PIEZO2: variants seen among roughly 807,000 people sequenced by gnomAD.
The protein encoded by PIEZO2 is piezo-type mechanosensitive ion channel component 2.
In PIEZO2, 172 loss-of-function variants were observed where a neutral mutation model predicts 337.3. That is an observed-to-expected ratio of 0.51 (90% CI 0.45 to 0.58). The LOEUF (loss-of-function observed/expected upper bound fraction) is 0.58. Among genes scored for constraint, PIEZO2 ranks in the 20% least tolerant of loss-of-function variants. PIEZO2 has a pLI of 0.00. For missense variants in PIEZO2, 3,028 were observed against 3,391.3 expected (o/e 0.89, Z 2.66); for synonymous variants, 1,251 against 1,228.5 (o/e 1.02, Z -0.38).
chr18:10,864,971 G>A lies in PIEZO2; in HGVS notation c.492+6282C>T, dbSNP rs1023663263. ...GCAGAGCCCCGGAAAGACAAGAGTC[G>A]GGAGAAGAGCATCTGCACAAGAGCA... On this transcript the variant is annotated intron_variant, in intron 5 of 55. Coordinates refer to ENST00000674853, the MANE Select transcript of PIEZO2 (RefSeq NM_001378183.1). Among the ~76,000 whole-genome samples, 4 of 152,252 alleles carry A rather than the reference G, an allele frequency of 2.6e-5. No homozygotes were observed. In the South Asian group the frequency reaches 6.2e-4, roughly 24 times the overall value.
In PIEZO2 at chr18:10,705,719, G is replaced by A. The variant is rs2035555669; in HGVS notation, c.5616C>T (p.Tyr1872=). Reference sequence around the variant, plus strand: ...TGGTCTCAGTGGTCCCCTGGCGTGAGTACAGCATGGTACACTGCGTGGGCT... The same window carrying A: ...TGGTCTCAGTGGTCCCCTGGCGTGAATACAGCATGGTACACTGCGTGGGCT... The part of the protein sequence containing the change: ...SSEPTQCTML[Y]SRQGTTETIE... The change falls in exon 41 of 56, where the codon TAC becomes TAT. Residue 1872 remains tyrosine, a synonymous_variant. Transcript: ENST00000674853. 4.6e-6 allele frequency: 7 copies of A among 1,533,796 alleles called. No homozygotes were observed. The highest frequency in any genetic ancestry group is 2.4e-5 in the East Asian group (1 of 40,864).
At chr18:11,137,440 A>G (rs1047902943) in intron 1 of PIEZO2, among the ~76,000 whole-genome samples, 1 of 152,224 alleles carries the variant, frequency 6.6e-6, no homozygotes, top group African/African-American at 2.4e-5. Flanking sequence ...AATTGTGAAA[A>G]TATTTCTTAG....
At chr18:10,985,977 C>T (rs895258713) in intron 2 of PIEZO2, among the ~76,000 whole-genome samples, 1 of 151,880 alleles carries the variant, frequency 6.6e-6, no homozygotes, top group African/African-American at 2.4e-5. Flanking sequence ...ACACTGCCTA[C>T]AAGGAACACA....
At chr18:10,674,787 A>T (rs2033921029) in intron 54 of PIEZO2, among the ~76,000 whole-genome samples, 1 of 152,244 alleles carries the variant, frequency 6.6e-6, no homozygotes, top group African/African-American at 2.4e-5. Flanking sequence ...CAATCACTAA[A>T]GTGCCTCTAG....
chr18:10,753,354 C>T (rs2037717672), intron 27 of PIEZO2, among the ~76,000 whole-genome samples: 1 of 152,212 alleles, frequency 6.6e-6, no homozygotes, highest in African/African-American at 2.4e-5. Context: ...GACCAACTAT[C>T]CAAAGCCATG....
chr18:10,857,002 C>T lies in PIEZO2; in HGVS notation c.702G>A (p.Ser234=), dbSNP rs1399399560. 4 of 1,537,044 alleles carry T rather than the reference C, an allele frequency of 2.6e-6. No individual in the cohort carries two copies. Among genetic ancestry groups the T allele is most frequent in the African/African-American group, 1.4e-5 (1 of 73,024 alleles). ...KVVVTILLGS[S]GMMLPSLTSS... is the part of the protein sequence containing the mutation. ...GCAGCCAGTGTGGGAGACACTCACC[C>T]GAGGAGCCCAGTAAGATGGTAACAA... Residue 234 remains serine (S), a splice_region_variant and synonymous_variant, in exon 6 of 56, where the codon TCG becomes TCA. Coordinates refer to ENST00000674853, the MANE Select transcript of PIEZO2 (RefSeq NM_001378183.1).
At chr18:10,697,629 C>A in intron 45 of PIEZO2, 119 bp downstream of exon 45, 1 of 1,328,954 alleles carries the variant, frequency 7.5e-7, no homozygotes, top group Non-Finnish European at 1.0e-6. Context: ...TTCTGCCTTA[C>A]GCAGATAACA....
At chr18:10,936,971 T>C (rs11661162) in intron 3 of PIEZO2, among the ~76,000 whole-genome samples, 58,824 of 151,936 alleles carry the variant, frequency 0.39, 12,626 homozygotes, top group Non-Finnish European at 0.49. Flanking sequence ...GTCCTGGAGA[T>C]CTGGGAAGTT....
intron 3 of PIEZO2, among the ~76,000 whole-genome samples, chr18:10,949,797 A>G (rs1316160036): frequency 6.6e-6 from 1 of 152,198 alleles, no homozygotes; most frequent in Non-Finnish European, 1.5e-5. Flanking sequence ...AGACTGACAC[A>G]CAGTTGTGGT....
chr18:11,117,889 C>G (rs548308863), intron 1 of PIEZO2, among the ~76,000 whole-genome samples: 77 of 152,318 alleles, frequency 5.1e-4, no homozygotes, highest in Admixed American at 1.6e-3. Context: ...AATACAGCCA[C>G]TTGAAAGCCA....
chr18:11,114,658 C>T (rs960385878), intron 1 of PIEZO2, among the ~76,000 whole-genome samples: 1 of 144,756 alleles, frequency 6.9e-6, no homozygotes. Context: ...GAGGGAGACT[C>T]TGTCTTAAAC....
intron 1 of PIEZO2, among the ~76,000 whole-genome samples, chr18:11,103,835 G>A (rs2039486557): frequency 6.6e-6 from 1 of 152,052 alleles, no homozygotes. Flanking sequence ...GCGTGTGTGT[G>A]TGTGACGGAG....
chr18:10,671,597 T>G lies in PIEZO2; in HGVS notation c.8528A>C (p.Tyr2843Ser), dbSNP rs879004229. ...TGELELEEDL[Y>S]AKLIFLYRSP... ...GCGATATAGGAATATTAATTTGGCA[T>G]AGAGATCTTCTTCTAGCTCCAGTTC... Residue 2843 changes from tyrosine (Y) to serine (S), a missense_variant, in exon 56 of 56, where the codon TAT (tyrosine) becomes TCT (serine). Physicochemically the swap from Tyr to Ser is moderately radical, Grantham distance 144 (BLOSUM62 -2). Coordinates refer to ENST00000674853, the MANE Select transcript of PIEZO2 (RefSeq NM_001378183.1). The G allele has an allele frequency of 6.2e-7, 1 of 1,613,840 alleles. No homozygotes were observed. Among genetic ancestry groups the G allele is most frequent in the South Asian group, 1.1e-5 (1 of 91,082 alleles).
At position 10,878,705 on chromosome 18, in the gene PIEZO2, G is replaced by C. The variant is rs1243717013; in HGVS notation, c.330-7290C>G. 6.6e-6 allele frequency among the ~76,000 whole-genome samples: 1 copy of C among 151,972 alleles called. No homozygotes were observed. The highest frequency in any genetic ancestry group is 1.5e-5 in the Non-Finnish European group (1 of 67,988). On this transcript the variant is annotated intron_variant, in intron 4 of 55. Coordinates refer to ENST00000674853, the MANE Select transcript of PIEZO2 (RefSeq NM_001378183.1). This position sits in a 1 kb window ranked among gnomAD's most constrained non-coding sequence, Gnocchi z 4.3. ...ACACTGTCTCTAAGCACAGAGTATT[G>C]GTTGTGAAGTTATATATGAAGGAAG... is the stretch of plus-strand genomic sequence containing the variant.
At position 11,065,092 on chromosome 18, in the gene PIEZO2, A is replaced by G. The variant is rs1481149651; in HGVS notation, c.160+1035T>C. 5.3e-5 allele frequency among the ~76,000 whole-genome samples: 8 copies of G among 152,362 alleles called. No homozygotes were observed. The East Asian group carries it at 1.5e-3, about 29-fold the overall frequency. On this transcript the variant is annotated intron_variant, in intron 2 of 55. Coordinates refer to ENST00000674853, the MANE Select transcript of PIEZO2 (RefSeq NM_001378183.1). ...GTTATTTAGAGACAGGAAAATCAAC[A>G]TGCCATCTGCAGTCATAACTACTAT...
chr18:11,092,633 A>T lies in PIEZO2; in HGVS notation c.65-26411T>A, dbSNP rs2039129400. On this transcript the variant is annotated intron_variant, in intron 1 of 55. Coordinates refer to ENST00000674853, the MANE Select transcript of PIEZO2 (RefSeq NM_001378183.1). This position sits in a 1 kb window ranked among gnomAD's most constrained non-coding sequence, Gnocchi z 4.5. ...GACACAATTTTACACAACCAAGAAT[A>T]AATGTAATTGGACAAGGCAACCTGA... Among the ~76,000 whole-genome samples, 1 of 152,200 alleles carries T rather than the reference A, an allele frequency of 6.6e-6. No homozygotes were observed. The highest frequency in any genetic ancestry group is 2.4e-5 in the African/African-American group (1 of 41,454).
intron 3 of PIEZO2, among the ~76,000 whole-genome samples, chr18:10,937,821 A>G (rs560289650): frequency 1.3e-5 from 2 of 152,288 alleles, no homozygotes; most frequent in Admixed American, 1.3e-4. Flanking sequence ...GTTATGCTCT[A>G]TGTTCTCATA....
intron 3 of PIEZO2, among the ~76,000 whole-genome samples, chr18:10,920,938 A>G (rs1252109421): frequency 6.6e-6 from 1 of 152,100 alleles, no homozygotes; most frequent in Non-Finnish European, 1.5e-5. Flanking sequence ...CTGTAATCCT[A>G]GCTGTTCAGG....
rs200855996 is a variant in PIEZO2 at position 10,910,566 on chromosome 18, G to A, written c.329+620C>T. Among the ~76,000 whole-genome samples the A allele has an allele frequency of 1.4e-4, 21 of 152,026 alleles. No individual in the cohort carries two copies. In the East Asian group the frequency reaches 4.1e-3, roughly 29 times the overall value. On this transcript the variant is annotated intron_variant, in intron 4 of 55. Coordinates refer to ENST00000674853, the MANE Select transcript of PIEZO2 (RefSeq NM_001378183.1). ...CCAGTGCACTCCAGCCTGGGTAACA[G>A]AGTAAGTCCCTGTCTCAACAAAATT...
Sources: gnomAD v4.1 joint callset for allele counts (sites outside exome capture counted in the v4.1 genomes callset) on GRCh38, gnomAD v4.1.1 for gene constraint, Gnocchi (gnomAD v3.1) non-coding constraint, MANE v1.5 for transcripts, NCBI Gene and HGNC (gene_info 2026-07-23, HGNC 2026-07-21) for gene names.